The following TBC1D22B variants were observed in gnomAD, a reference collection of about 807,000 sequenced individuals.
The protein encoded by TBC1D22B is TBC1 domain family member 22B.
In TBC1D22B, 32 loss-of-function variants were observed where a neutral mutation model predicts 69.1. The observed-to-expected ratio is 0.46, with a 90% CI of 0.35 to 0.62. The LOEUF is 0.62. TBC1D22B is among the 20% of genes least tolerant of loss of function. TBC1D22B has a pLI of 0.00. For synonymous variants in TBC1D22B, 206 were observed against 229.8 expected (o/e 0.90, Z 0.94); for missense variants, 462 against 630.9 (o/e 0.73, Z 2.87).
At position 37,257,967 on chromosome 6, in the gene TBC1D22B, C is replaced by G. The variant is rs1193902264; in HGVS notation, c.50C>G (p.Pro17Arg). 1.9e-6 allele frequency: 3 copies of G among 1,614,032 alleles called. No homozygotes were observed. Among genetic ancestry groups the G allele is most frequent in the East Asian group, 2.2e-5 (1 of 44,866 alleles). ...KQFWKRSAKLPGSIQPVYGAQ... is the reference protein window; with the variant it reads ...KQFWKRSAKLRGSIQPVYGAQ... ...TTTTGGAAGAGGAGCGCTAAGCTGC[C>G]GGGGAGGTGAGCCCAGGACGCTGAG... The change falls in exon 1 of 13, where the codon CCG (proline) becomes CGG (arginine). Residue 17 changes from proline to arginine, a missense_variant. By Grantham distance (103) the Pro-to-Arg change is moderately radical. Transcript: ENST00000373491.
At chr6:37,294,626 A>G (rs1055319799) in intron 8 of TBC1D22B, among the ~76,000 whole-genome samples, 11 of 152,190 alleles carry the variant, frequency 7.2e-5, no homozygotes, top group Non-Finnish European at 1.5e-4. Context: ...GGACCTTAAG[A>G]ATTATGCAAA....
At chr6:37,280,253 A>G (rs979350081) in intron 3 of TBC1D22B, among the ~76,000 whole-genome samples, 54 of 152,294 alleles carry the variant, frequency 3.5e-4, no homozygotes, top group African/African-American at 1.3e-3. Context: ...GTATTCCTTT[A>G]AATATTCATG....
At chr6:37,258,278 T>A in intron 1 of TBC1D22B, 1 of 366,836 alleles carries the variant, frequency 2.7e-6, no homozygotes, top group Non-Finnish European at 5.0e-6. Context: ...GTGTCGGCCC[T>A]GGTCTCGGAA....
At chr6:37,260,088 T>A (rs1263413407) in intron 1 of TBC1D22B, among the ~76,000 whole-genome samples, 1 of 152,346 alleles carries the variant, frequency 6.6e-6, no homozygotes, top group East Asian at 1.9e-4. Context: ...TTCAGCTGTG[T>A]GCTTTTAGCA....
Position 37,279,394 on chromosome 6 carries a change from T to G in TBC1D22B, c.204T>G (p.Asp68Glu). 6.2e-7 allele frequency: 1 copy of G among 1,614,242 alleles called. No homozygotes were observed. The highest frequency in any genetic ancestry group is 8.5e-7 in the Non-Finnish European group (1 of 1,180,038). Residue 68 changes from aspartate to glutamate, a missense_variant, in exon 3 of 13, where the codon GAT (aspartate) becomes GAG (glutamate). Physicochemically the swap from Asp to Glu is conservative, Grantham distance 45 (BLOSUM62 2). Coordinates refer to ENST00000373491, the MANE Select transcript of TBC1D22B (RefSeq NM_017772.4). ...SFHEFARNTS[D>E]AWDIGDDEEE... ...ATGAGTTTGCACGGAATACCAGTGA[T>G]GCTTGGGACATTGGCGATGATGAGG...
At position 37,275,046 on chromosome 6, in the gene TBC1D22B, A is replaced by G. The variant is rs1047543850; in HGVS notation, c.114-4258A>G. ...AGCCTGGAAGACAGAGCGAGAATCC[A>G]TCTTAATAATAATAATAATAAATAA... On this transcript the variant is annotated intron_variant, in intron 2 of 12. Transcript: ENST00000373491. 2.0e-4 allele frequency among the ~76,000 whole-genome samples: 13 copies of G among 65,882 alleles called. No individual in the cohort carries two copies. The Admixed American group carries it at 2.1e-3, about 11-fold the overall frequency. The allele number at this position is 65,882 out of a possible 152,430, so 43.2% of individuals were successfully genotyped here.
At position 37,312,991 on chromosome 6, in the gene TBC1D22B, T is replaced by C. The variant is rs1442904872; in HGVS notation, c.1056T>C (p.Phe352=). The change falls in exon 9 of 13, where the codon TTT becomes TTC. Residue 352 remains phenylalanine, a synonymous_variant. Coordinates refer to ENST00000373491, the MANE Select transcript of TBC1D22B (RefSeq NM_017772.4). ...TGCGAAGCATTGAGGCTGACAGCTT[T>C]TGGTGCATGAGCAAGCTGCTGGATG... The part of the protein sequence containing the change: ...DMLRSIEADS[F]WCMSKLLDGI... 7 of 1,614,092 alleles carry C rather than the reference T, an allele frequency of 4.3e-6. No individual in the cohort carries two copies. The highest frequency in any genetic ancestry group is 5.9e-6 in the Non-Finnish European group (7 of 1,180,026).
chr6:37,269,000 A>G (rs1356834595), intron 1 of TBC1D22B, among the ~76,000 whole-genome samples: 2 of 152,168 alleles, frequency 1.3e-5, no homozygotes, highest in African/African-American at 2.4e-5. Flanking sequence ...GGTGCTTTGA[A>G]TAGTCTTATA....
chr6:37,300,628 C>A (rs1432808992), intron 8 of TBC1D22B, among the ~76,000 whole-genome samples: 1 of 152,092 alleles, frequency 6.6e-6, no homozygotes, highest in African/African-American at 2.4e-5. Context: ...TCCCAAAACA[C>A]CGGGATTACA....
intron 8 of TBC1D22B, among the ~76,000 whole-genome samples, chr6:37,311,677 A>C (rs1767915712): frequency 1.3e-5 from 2 of 152,132 alleles, no homozygotes; most frequent in South Asian, 4.1e-4. Flanking sequence ...TGTCTCAAAA[A>C]AAAGAAAGGA....
chr6:37,283,140 CAT>C (rs1267513825), intron 5 of TBC1D22B, among the ~76,000 whole-genome samples, 188 bp downstream of exon 5: 2 of 152,172 alleles, frequency 1.3e-5, no homozygotes, highest in Non-Finnish European at 2.9e-5. Context: ...TATTCACACA[CAT>C]GTAGTGGTAC....
chr6:37,307,565 A>G (rs575617798), intron 8 of TBC1D22B, among the ~76,000 whole-genome samples: 1 of 152,230 alleles, frequency 6.6e-6, no homozygotes, highest in South Asian at 2.1e-4. Context: ...CATATTGGCC[A>G]GGCTAGTCTC....
chr6:37,273,166 G>A (rs368254363), intron 2 of TBC1D22B, among the ~76,000 whole-genome samples: 1 of 118,494 alleles, frequency 8.4e-6, no homozygotes, highest in African/African-American at 3.3e-5. Context: ...TATAGCAGCC[G>A]ACTCGTAACC....
At chr6:37,293,621 G>C (rs2113755945) in intron 8 of TBC1D22B, among the ~76,000 whole-genome samples, 1 of 152,242 alleles carries the variant, frequency 6.6e-6, no homozygotes, top group African/African-American at 2.4e-5. Context: ...CCCTGCAAAG[G>C]CTTGTAAGTG....
At chr6:37,287,601 G>A (rs1436243126) in intron 7 of TBC1D22B, among the ~76,000 whole-genome samples, 1 of 152,136 alleles carries the variant, frequency 6.6e-6, no homozygotes, top group Non-Finnish European at 1.5e-5. Flanking sequence ...ACTACTCCAG[G>A]CAGCTCAAAT....
In TBC1D22B at chr6:37,279,389, A is replaced by C. The variant is rs1766755947; in HGVS notation, c.199A>C (p.Ser67Arg). 6 of 1,614,260 alleles carry C rather than the reference A, an allele frequency of 3.7e-6. No individual in the cohort carries two copies. Among genetic ancestry groups the C allele is most frequent in the Non-Finnish European group, 5.1e-6 (6 of 1,180,028 alleles). The change falls in exon 3 of 13, where the codon AGT becomes CGT. Residue 67 changes from serine (S) to arginine (R), a missense_variant. Physicochemically the swap from Ser to Arg is moderately radical, Grantham distance 110 (BLOSUM62 -1). Around this residue, in one of 2 missense-constraint regions of TBC1D22B, gnomAD observed 237 missense variants for 255.4 expected, o/e 0.93. Coordinates refer to ENST00000373491, the MANE Select transcript of TBC1D22B (RefSeq NM_017772.4). ...SSFHEFARNT[S>R]DAWDIGDDEE... ...TTTTCATGAGTTTGCACGGAATACC[A>C]GTGATGCTTGGGACATTGGCGATGA...
rs919561055 is a variant in TBC1D22B at position 37,277,398 on chromosome 6, G to T, written c.114-1906G>T. ...TTACAAAGGAGAAGCAGCCATGGTGGATGAGTCCAGAACGTGCAGCCTCAG... is the reference window on the plus strand; with the variant it reads ...TTACAAAGGAGAAGCAGCCATGGTGTATGAGTCCAGAACGTGCAGCCTCAG... On this transcript the variant is annotated intron_variant, in intron 2 of 12. Coordinates refer to ENST00000373491, the MANE Select transcript of TBC1D22B (RefSeq NM_017772.4). Among the ~76,000 whole-genome samples the T allele has an allele frequency of 2.6e-5, 4 of 152,154 alleles. No homozygotes were observed. In the South Asian group the frequency reaches 8.3e-4, roughly 32 times the overall value.
Position 37,266,497 on chromosome 6 carries a change from T to C in TBC1D22B, c.57-3097T>C, listed in dbSNP as rs540474033. On this transcript the variant is annotated intron_variant, in intron 1 of 12. Coordinates refer to ENST00000373491, the MANE Select transcript of TBC1D22B (RefSeq NM_017772.4). ...TTTTTTTTGAGACGGAGTCTTGCTC[T>C]GTCCCCCAAGCTGGAGTGCAGTGGT... is the stretch of plus-strand genomic sequence containing the variant. Among the ~76,000 whole-genome samples, 126 of 148,274 alleles carry C rather than the reference T, an allele frequency of 8.5e-4. 1 individual carries two copies. The highest frequency in any genetic ancestry group is 7.7e-3 in the Middle Eastern group (2 of 260).
Position 37,260,010 on chromosome 6 carries a change from T to C in TBC1D22B, c.56+2037T>C, listed in dbSNP as rs140346331. 5.7e-4 allele frequency among the ~76,000 whole-genome samples: 87 copies of C among 152,370 alleles called. 1 individual carries two copies. The highest frequency in any genetic ancestry group is 1.9e-3 in the African/African-American group (80 of 41,580). Reference sequence around the variant, plus strand: ...ACCCCAGCTCATTGTCTTCGTTGTTTAAGGTATTCAAATATTGTCACAATT... The same window carrying C: ...ACCCCAGCTCATTGTCTTCGTTGTTCAAGGTATTCAAATATTGTCACAATT... On this transcript the variant is annotated intron_variant, in intron 1 of 12. Coordinates refer to ENST00000373491, the MANE Select transcript of TBC1D22B (RefSeq NM_017772.4).
Sources: gnomAD v4.1 joint callset for allele counts (sites outside exome capture counted in the v4.1 genomes callset) on GRCh38, gnomAD v4.1.1 for gene constraint, gnomAD v4.1.1 regional missense constraint, MANE v1.5 for transcripts, NCBI Gene and HGNC (gene_info 2026-07-23, HGNC 2026-07-21) for gene names.